The following NEK7 variants were observed in gnomAD, a reference collection of about 807,000 sequenced individuals.
The protein encoded by NEK7 is serine/threonine-protein kinase Nek7.
In NEK7, 18 loss-of-function variants were observed where a neutral mutation model predicts 44.6. That is an observed-to-expected ratio of 0.40 (90% CI 0.28 to 0.60). The LOEUF (loss-of-function observed/expected upper bound fraction) is 0.60, where lower values mean the gene tolerates loss of function less well. Among genes scored for constraint, NEK7 ranks in the 20% least tolerant of loss-of-function variants. The pLI, the probability that NEK7 is intolerant of heterozygous loss-of-function variation, is 0.38. For missense variants in NEK7, 256 were observed against 366.5 expected (o/e 0.70, Z 2.46); for synonymous variants, 130 against 121.1 (o/e 1.07, Z -0.48).
chr1:198,320,306 ATT>A lies in NEK7; in HGVS notation c.*785_*786del, dbSNP rs1249995051. 6.6e-6 allele frequency: 1 copy of A among 151,938 alleles called. No individual in the cohort carries two copies. Among genetic ancestry groups the A allele is most frequent in the African/African-American group, 2.4e-5 (1 of 41,380 alleles). The allele number at this position is 151,938 out of a possible 1,614,324, so 9.4% of individuals were successfully genotyped here. ...CCCAAGGCTTTTTTTGTGTGTTTTT[ATT>A]GTTGTTTGTACATTTGAAAAATATT... is the stretch of plus-strand genomic sequence containing the variant. On this transcript the variant is annotated 3_prime_UTR_variant, in exon 10 of 10. Coordinates refer to ENST00000367385, the MANE Select transcript of NEK7 (RefSeq NM_133494.3).
In NEK7 at chr1:198,271,905, T is replaced by TTATATA. The variant is rs34354855; in HGVS notation, c.373-6041_373-6036dup. On this transcript the variant is annotated intron_variant, in intron 5 of 9. Coordinates refer to ENST00000367385, the MANE Select transcript of NEK7 (RefSeq NM_133494.3). ...TATATATAAATTAAAAATTTATATT[T>TTATATA]TATATATATATATATATATACACAC... is the stretch of plus-strand genomic sequence containing the variant. Among the ~76,000 whole-genome samples, 365 of 141,386 alleles carry TTATATA rather than the reference T, an allele frequency of 2.6e-3. 13 individuals are homozygous for TTATATA. The East Asian group carries it at 0.051, about 20-fold the overall frequency. 92.8% of individuals were successfully genotyped at this position (141,386 alleles called of 152,430 possible).
chr1:198,232,487 T>G (rs1216677569), intron 1 of NEK7, 66 bp from the exon 2 acceptor site: 9 of 749,766 alleles, frequency 1.2e-5, no homozygotes, highest in East Asian at 2.6e-5. Context: ...CATGTGTCGG[T>G]GTATGATGAA....
At chr1:198,256,636 G>T in intron 3 of NEK7, 1 of 916,214 alleles carries the variant, frequency 1.1e-6, no homozygotes, top group East Asian at 2.8e-5. Context: ...AGTGTTTATT[G>T]GTCAGTGTCT....
At chr1:198,200,530 T>C (rs1665396910) in intron 1 of NEK7, among the ~76,000 whole-genome samples, 1 of 151,890 alleles carries the variant, frequency 6.6e-6, no homozygotes. Flanking sequence ...CTCTGCTCTT[T>C]GTTGCTTTCT....
intron 2 of NEK7, among the ~76,000 whole-genome samples, chr1:198,240,371 G>A (rs1666650191): frequency 6.6e-6 from 1 of 152,056 alleles, no homozygotes; most frequent in Non-Finnish European, 1.5e-5. Flanking sequence ...CTGCTTTCTT[G>A]GAAATTTCTA....
chr1:198,308,765 C>A (rs6695652), intron 9 of NEK7, among the ~76,000 whole-genome samples: 2 of 152,006 alleles, frequency 1.3e-5, no homozygotes, highest in East Asian at 3.9e-4. Context: ...TGCATAAGTA[C>A]TTGCCATTGC....
chr1:198,321,329 C>A lies in NEK7; in HGVS notation c.*1807C>A, dbSNP rs1258440074. 6.6e-6 allele frequency: 1 copy of A among 152,048 alleles called. No homozygotes were observed. Among genetic ancestry groups the A allele is most frequent in the Admixed American group, 6.6e-5 (1 of 15,266 alleles). The allele number at this position is 152,048 out of a possible 1,614,324, so 9.4% of individuals were successfully genotyped here. Reference sequence around the variant, plus strand: ...AGGGCTAGATGCATTTTTTTTCTCACACTCTTAATGACTTTTAACATTTAT... The same window carrying A: ...AGGGCTAGATGCATTTTTTTTCTCAAACTCTTAATGACTTTTAACATTTAT... On this transcript the variant is annotated 3_prime_UTR_variant, in exon 10 of 10. Transcript: ENST00000367385.
chr1:198,174,343 T>C (rs1664537290), intron 1 of NEK7, among the ~76,000 whole-genome samples: 1 of 151,586 alleles, frequency 6.6e-6, no homozygotes, highest in Non-Finnish European at 1.5e-5. Flanking sequence ...TTTTGAAATC[T>C]TAATTTGCAT....
chr1:198,157,708 G>A (rs889931711), intron 1 of NEK7, among the ~76,000 whole-genome samples: 1 of 152,230 alleles, frequency 6.6e-6, no homozygotes, highest in Non-Finnish European at 1.5e-5. Context: ...TTCGGCAGCA[G>A]CCCGACTTAG....
intron 5 of NEK7, among the ~76,000 whole-genome samples, chr1:198,274,246 G>A (rs1653946470): frequency 6.7e-6 from 1 of 148,452 alleles, no homozygotes; most frequent in African/African-American, 2.5e-5. Flanking sequence ...CACCAGGATT[G>A]CATTTTTTTG....
chr1:198,237,549 A>C (rs1666571672), intron 2 of NEK7, among the ~76,000 whole-genome samples: 1 of 152,200 alleles, frequency 6.6e-6, no homozygotes, highest in Non-Finnish European at 1.5e-5. Flanking sequence ...TAATGTTAGC[A>C]GATACCAGAG....
At chr1:198,226,427 C>A (rs1553251393) in intron 1 of NEK7, among the ~76,000 whole-genome samples, 1 of 151,880 alleles carries the variant, frequency 6.6e-6, no homozygotes, top group Non-Finnish European at 1.5e-5. Context: ...CACCTGTAAT[C>A]CTAGCTACTC....
At chr1:198,210,156 G>GT (rs936290747) in intron 1 of NEK7, among the ~76,000 whole-genome samples, 11 of 152,100 alleles carry the variant, frequency 7.2e-5, no homozygotes, top group Non-Finnish European at 1.6e-4. Flanking sequence ...GTGCAGTGGT[G>GT]TTATCATAGC....
At chr1:198,262,550 A>G in intron 3 of NEK7, 25 bp from the exon 4 acceptor site, 1 of 1,451,266 alleles carries the variant, frequency 6.9e-7, no homozygotes, top group Non-Finnish European at 9.6e-7. Flanking sequence ...TTATTTTATT[A>G]AGTAATTCTG....
intron 1 of NEK7, among the ~76,000 whole-genome samples, chr1:198,181,805 C>G (rs1664776302): frequency 1.3e-5 from 2 of 151,914 alleles, no homozygotes; most frequent in Non-Finnish European, 2.9e-5. Flanking sequence ...AATCTATGAA[C>G]CCAATTTAAA....
At chr1:198,314,775 A>T (rs931480313) in intron 9 of NEK7, among the ~76,000 whole-genome samples, 13 of 152,262 alleles carry the variant, frequency 8.5e-5, no homozygotes, top group African/African-American at 2.9e-4. Flanking sequence ...CCACTTGAGG[A>T]GGCAGTCTGC....
At chr1:198,171,665 CA>C (rs1428366817) in intron 1 of NEK7, among the ~76,000 whole-genome samples, 1 of 149,206 alleles carries the variant, frequency 6.7e-6, no homozygotes, top group Non-Finnish European at 1.5e-5. Flanking sequence ...GGCGACAGAG[CA>C]AGACTCCGTC....
At chr1:198,232,288 G>A (rs12083274) in intron 1 of NEK7, among the ~76,000 whole-genome samples, 1 of 152,120 alleles carries the variant, frequency 6.6e-6, no homozygotes, top group East Asian at 1.9e-4. Flanking sequence ...AAGGCAGAAT[G>A]CAGAAGAAGG....
intron 2 of NEK7, among the ~76,000 whole-genome samples, chr1:198,242,473 CTT>C (rs35704352): frequency 0.03 from 3,187 of 107,076 alleles, 68 homozygotes; most frequent in Non-Finnish European, 0.045. Context: ...TCTCAGCTCA[CTT>C]TTTTTTTTTT....
Sources: allele counts gnomAD v4.1 joint callset (sites outside exome capture counted in the v4.1 genomes callset), GRCh38; gene constraint gnomAD v4.1.1; transcripts MANE v1.5; gene names NCBI Gene and HGNC (gene_info 2026-07-23, HGNC 2026-07-21).